The following CRNKL1 variants were observed in gnomAD, a reference collection of about 807,000 sequenced individuals.
The protein encoded by CRNKL1 is crooked neck-like protein 1.
Under a neutral mutation model 103.7 loss-of-function variants are expected in CRNKL1, and 35 were observed. That is an observed-to-expected ratio of 0.34 (90% CI 0.26 to 0.45). The LOEUF is 0.45. Among genes scored for constraint, CRNKL1 ranks in the 20% least tolerant of loss-of-function variants. The pLI, the probability that CRNKL1 is intolerant of heterozygous loss-of-function variation, is 1.00. For missense variants in CRNKL1, 645 were observed against 836.0 expected (o/e 0.77, Z 2.82); for synonymous variants, 267 against 282.6 (o/e 0.94, Z 0.55).
chr20:20,043,091 T>C (rs940667432), intron 7 of CRNKL1, among the ~76,000 whole-genome samples: 8 of 152,238 alleles, frequency 5.3e-5, no homozygotes, highest in African/African-American at 1.2e-4. Context: ...GAGATGCCGA[T>C]GGAACCCTGT....
At chr20:20,039,238 C>G (rs1457481047) in intron 11 of CRNKL1, among the ~76,000 whole-genome samples, 2 of 152,196 alleles carry the variant, frequency 1.3e-5, no homozygotes, top group African/African-American at 4.8e-5. Flanking sequence ...TTAGAGAATA[C>G]AGGGATGTGC....
chr20:20,038,864 C>A (rs1012384313), intron 11 of CRNKL1, among the ~76,000 whole-genome samples: 3 of 152,142 alleles, frequency 2.0e-5, no homozygotes, highest in Non-Finnish European at 4.4e-5. Context: ...GAGTTCAGTG[C>A]AACAAGCATT....
In CRNKL1 at chr20:20,045,401, T is replaced by C. The variant is rs1568761454; in HGVS notation, c.708A>G (p.Lys236=). The C allele has an allele frequency of 1.1e-5, 18 of 1,613,366 alleles. No homozygotes were observed. Among genetic ancestry groups the C allele is most frequent in the Non-Finnish European group, 1.5e-5 (18 of 1,179,786 alleles). Reference sequence around the variant, plus strand: ...AGAATTCCACAGCTCTCTCATACACTTTCCGTGCATGGGCAAAATAAGCAT... The same window carrying C: ...AGAATTCCACAGCTCTCTCATACACCTTCCGTGCATGGGCAAAATAAGCAT... ...EKHAYFAHAR[K]VYERAVEFFG... Residue 236 remains lysine, a synonymous_variant, in exon 6 of 14, where the codon AAA becomes AAG. Transcript: ENST00000536226.
chr20:20,041,664 C>T (rs2043516620), intron 8 of CRNKL1, 39 bp from the exon 9 acceptor site: 8 of 1,436,198 alleles, frequency 5.6e-6, no homozygotes, highest in Non-Finnish European at 7.9e-6. Context: ...ATATTGAAGT[C>T]TGCTGCTAAC....
chr20:20,040,046 A>G lies in CRNKL1; in HGVS notation c.1306-198T>C, dbSNP rs150032577. Among the ~76,000 whole-genome samples, 6 of 152,352 alleles carry G rather than the reference A, an allele frequency of 3.9e-5. No individual in the cohort carries two copies. The East Asian group carries it at 1.2e-3, about 29-fold the overall frequency. ...TGAAGGAAACTCCTCTAATTCACTC[A>G]GCAAGAGGCAGTGTTCCAGAATTGT... On this transcript the variant is annotated intron_variant, in intron 10 of 13. Transcript: ENST00000536226.
intron 13 of CRNKL1, 42 bp from the exon 14 acceptor site, chr20:20,036,404 T>C (rs552439842): frequency 5.8e-5 from 91 of 1,575,146 alleles, no homozygotes; most frequent in Non-Finnish European, 7.4e-5. Flanking sequence ...ACGTGGGTGA[T>C]ATACTCACAT....
Position 20,040,683 on chromosome 20 carries a change from T to C in CRNKL1, c.1305+3A>G, listed in dbSNP as rs747532640. On this transcript the variant is annotated splice_donor_region_variant and intron_variant, in intron 10 of 13. Transcript: ENST00000536226. ...GAGACATCTTGATCCTTTCTTTACT[T>C]ACCAATGCTCTTCTGGCTAATGACA... 6 of 1,603,794 alleles carry C rather than the reference T, an allele frequency of 3.7e-6. No homozygotes were observed. Among genetic ancestry groups the C allele is most frequent in the Non-Finnish European group, 5.1e-6 (6 of 1,173,192 alleles).
At chr20:20,040,088 A>G (rs1328920439) in intron 10 of CRNKL1, among the ~76,000 whole-genome samples, 2 of 152,224 alleles carry the variant, frequency 1.3e-5, no homozygotes, top group Non-Finnish European at 2.9e-5. Flanking sequence ...AACTAAATAA[A>G]ATAAGATTTG....
chr20:20,037,463 CTT>C lies in CRNKL1; in HGVS notation c.1754_1755del (p.Glu585GlyfsTer16). ...EEANKTMRNC[E>X]EKEERLMLLE... ...AGCAGCATAAGTCTCTCTTCCTTTT[CTT>C]CACAGTTTCGCATGGTTTTGTTAGC... On this transcript the variant is annotated frameshift_variant, in exon 13 of 14. Transcript: ENST00000536226. LOFTEE classifies it high-confidence loss of function. 1 of 1,614,186 alleles carries C rather than the reference CTT, an allele frequency of 6.2e-7. No homozygotes were observed. Among genetic ancestry groups the C allele is most frequent in the Non-Finnish European group, 8.5e-7 (1 of 1,180,034 alleles).
Position 20,047,788 on chromosome 20 carries a change from C to G in CRNKL1, c.599G>C (p.Arg200Pro). 1 of 1,614,246 alleles carries G rather than the reference C, an allele frequency of 6.2e-7. No homozygotes were observed. Among genetic ancestry groups the G allele is most frequent in the Non-Finnish European group, 8.5e-7 (1 of 1,180,050 alleles). Residue 200 changes from arginine (R) to proline (P), a missense_variant, in exon 5 of 14, where the codon CGG (arginine) becomes CCG (proline). Coordinates refer to ENST00000536226, the MANE Select transcript of CRNKL1 (RefSeq NM_001278628.2). ...NFELRYKEVDRARTIYERFVL... is the reference protein window; with the variant it reads ...NFELRYKEVDPARTIYERFVL... Reference sequence around the variant, plus strand: ...ATATCGCTCATAAATGGTGCGGGCCCGATCCACCTCTTTGTATCTCAGCTC... The same window carrying G: ...ATATCGCTCATAAATGGTGCGGGCCGGATCCACCTCTTTGTATCTCAGCTC...
chr20:20,053,365 A>G (rs751695212), upstream of CRNKL1, among the ~76,000 whole-genome samples: 1 of 152,114 alleles, frequency 6.6e-6, no homozygotes, highest in Non-Finnish European at 1.5e-5. Flanking sequence ...ACAGCCTCCA[A>G]CTCTTAAAAA....
chr20:20,042,008 G>A (rs2273054), intron 8 of CRNKL1, among the ~76,000 whole-genome samples: 9,243 of 152,230 alleles, frequency 0.061, 353 homozygotes, highest in East Asian at 0.11. Flanking sequence ...TCCTATTAAT[G>A]AGCAAATCCA....
intron 5 of CRNKL1, among the ~76,000 whole-genome samples, chr20:20,046,510 C>T (rs906772744): frequency 1.3e-5 from 2 of 152,128 alleles, no homozygotes; most frequent in Admixed American, 6.5e-5. Flanking sequence ...TTAGTCAATG[C>T]GAACACTTAA....
At chr20:20,038,253 A>C (rs1037514954) in intron 12 of CRNKL1, 96 bp downstream of exon 12, 33 of 757,340 alleles carry the variant, frequency 4.4e-5, no homozygotes, top group African/African-American at 1.2e-4. Context: ...AAAAAAAAAA[A>C]ACAAAAACCC....
chr20:20,055,885 G>A, upstream of CRNKL1: 1 of 1,263,078 alleles, frequency 7.9e-7, no homozygotes, highest in Non-Finnish European at 1.2e-6. Flanking sequence ...GAGGGAAAGA[G>A]AGAAGAGAGA....
In CRNKL1 at chr20:20,035,503, A is replaced by G. The variant is rs2043405656; in HGVS notation, c.*692T>C. On this transcript the variant is annotated 3_prime_UTR_variant, in exon 14 of 14. Coordinates refer to ENST00000536226, the MANE Select transcript of CRNKL1 (RefSeq NM_001278628.2). ...TATTAGACTAAATTCTTAGTAAACA[A>G]TGTTTTCTGAACCTTGTTCAGAAAT... 6.6e-6 allele frequency: 1 copy of G among 152,238 alleles called. No homozygotes were observed. The highest frequency in any genetic ancestry group is 2.4e-5 in the African/African-American group (1 of 41,468). The allele number at this position is 152,238 out of a possible 1,614,324, so 9.4% of individuals were successfully genotyped here. A position where few individuals can be genotyped will look rare whatever the true frequency, so the allele number is the denominator to read the frequency against.
rs960288927 is a variant in CRNKL1 at position 20,036,164 on chromosome 20, A to G, written c.*31T>C. On this transcript the variant is annotated 3_prime_UTR_variant, in exon 14 of 14. Coordinates refer to ENST00000536226, the MANE Select transcript of CRNKL1 (RefSeq NM_001278628.2). ...GAGTTCCAAACAATTAATTTATAAA[A>G]ATAACAAAACATTTGTCTATGAAAA... is the stretch of plus-strand genomic sequence containing the variant. 3 of 1,598,640 alleles carry G rather than the reference A, an allele frequency of 1.9e-6. No individual in the cohort carries two copies. The highest frequency in any genetic ancestry group is 1.7e-5 in the Admixed American group (1 of 57,578).
intron 5 of CRNKL1, 31 bp downstream of exon 5, chr20:20,047,734 T>G: frequency 6.3e-7 from 1 of 1,598,946 alleles, no homozygotes; most frequent in Non-Finnish European, 8.6e-7. Context: ...AGGACAATCA[T>G]GGCACCATAC....
At position 20,049,539 on chromosome 20, in the gene CRNKL1, T is replaced by G. The variant is rs956377002; in HGVS notation, c.205-108A>C. 8.1e-6 allele frequency: 5 copies of G among 614,906 alleles called. No homozygotes were observed. The Admixed American group carries it at 1.3e-4, about 16-fold the overall frequency. The allele number at this position is 614,906 out of a possible 1,614,324, so 38.1% of individuals were successfully genotyped here. On this transcript the variant is annotated intron_variant, in intron 2 of 13. Coordinates refer to ENST00000536226, the MANE Select transcript of CRNKL1 (RefSeq NM_001278628.2). The stretch of plus-strand genomic sequence containing the variant: ...AAAATGGTTATTCATTTTGTTCATA[T>G]TTAAGAGAAATTACATCCTGGAATC...
Sources: allele counts gnomAD v4.1 joint callset (sites outside exome capture counted in the v4.1 genomes callset), GRCh38; gene constraint gnomAD v4.1.1; transcripts MANE v1.5; gene names NCBI Gene and HGNC (gene_info 2026-07-23, HGNC 2026-07-21).